OXSR1: variants seen among roughly 807,000 people sequenced by gnomAD.
OXSR1 encodes the protein serine/threonine-protein kinase OSR1.
A neutral mutation model predicts 79.8 loss-of-function variants in OXSR1; 24 were observed. That is an observed-to-expected ratio of 0.30 (90% CI 0.22 to 0.42). OXSR1 has a LOEUF of 0.42. Ranked by LOEUF, OXSR1 falls within the 10% of genes least tolerant of loss-of-function variation. The probability of loss-of-function intolerance (pLI) is 1.00; values close to 1 mark genes in which losing one functional copy is unlikely to be tolerated. For missense variants in OXSR1, 430 were observed against 618.4 expected (o/e 0.70, Z 3.23); for synonymous variants, 226 against 209.2 (o/e 1.08, Z -0.69).
At chr3:38,249,038 C>T (rs1703201715) in intron 14 of OXSR1, among the ~76,000 whole-genome samples, 1 of 152,032 alleles carries the variant, frequency 6.6e-6, no homozygotes, top group Non-Finnish European at 1.5e-5. Context: ...TTGTATGTAC[C>T]TGTGTAGAAA....
intron 4 of OXSR1, among the ~76,000 whole-genome samples, chr3:38,202,433 G>A (rs1702181926): frequency 6.6e-6 from 1 of 152,188 alleles, no homozygotes; most frequent in Non-Finnish European, 1.5e-5. Context: ...AGACTGGAGT[G>A]TAGTGGCATG....
At chr3:38,224,170 T>A (rs1702643636) in intron 7 of OXSR1, among the ~76,000 whole-genome samples, 1 of 152,230 alleles carries the variant, frequency 6.6e-6, no homozygotes, top group Non-Finnish European at 1.5e-5. Context: ...TAACTCTTGA[T>A]TCCCATTCTT....
chr3:38,213,837 A>G (rs557006311), intron 4 of OXSR1, among the ~76,000 whole-genome samples: 2 of 152,340 alleles, frequency 1.3e-5, no homozygotes, highest in South Asian at 4.1e-4. Flanking sequence ...TATAAGCATA[A>G]TGTATGTCTC....
At chr3:38,196,050 G>C (rs1384394636) in intron 3 of OXSR1, among the ~76,000 whole-genome samples, 1 of 152,138 alleles carries the variant, frequency 6.6e-6, no homozygotes, top group Non-Finnish European at 1.5e-5. Context: ...TTGAATGACT[G>C]TCTTATAGGG....
intron 10 of OXSR1, among the ~76,000 whole-genome samples, chr3:38,233,936 C>T (rs1702865313): frequency 6.6e-6 from 1 of 151,888 alleles, no homozygotes; most frequent in East Asian, 1.9e-4. Flanking sequence ...AAAGAGTTTA[C>T]ATTCACAAAA....
intron 2 of OXSR1, among the ~76,000 whole-genome samples, chr3:38,189,630 G>T (rs1456757843): frequency 1.3e-5 from 2 of 152,164 alleles, no homozygotes; most frequent in African/African-American, 4.8e-5. Flanking sequence ...GCATAGGGCA[G>T]GTACATTAAT....
At chr3:38,241,107 G>T (rs1479363262) in intron 11 of OXSR1, among the ~76,000 whole-genome samples, 1 of 152,046 alleles carries the variant, frequency 6.6e-6, no homozygotes, top group Non-Finnish European at 1.5e-5. Flanking sequence ...AAAAAATAAG[G>T]TTTTTTTATA....
intron 3 of OXSR1, among the ~76,000 whole-genome samples, chr3:38,195,702 T>C (rs918016251): frequency 6.6e-6 from 1 of 152,334 alleles, no homozygotes; most frequent in Non-Finnish European, 1.5e-5. Flanking sequence ...TTTTCAGACT[T>C]ATCAAGTGTC....
intron 1 of OXSR1, among the ~76,000 whole-genome samples, chr3:38,169,082 T>C (rs1024022322): frequency 6.6e-6 from 1 of 152,368 alleles, no homozygotes; most frequent in South Asian, 2.1e-4. Context: ...CTAGTAATTA[T>C]AAGAGTTCTT....
chr3:38,231,261 T>C (rs1429678122), intron 10 of OXSR1, among the ~76,000 whole-genome samples: 1 of 152,168 alleles, frequency 6.6e-6, no homozygotes, highest in Non-Finnish European at 1.5e-5. Context: ...AACAGTTAAC[T>C]TGTCTCTATT....
intron 1 of OXSR1, among the ~76,000 whole-genome samples, chr3:38,169,190 T>C (rs1701526602): frequency 6.6e-6 from 1 of 152,230 alleles, no homozygotes; most frequent in Non-Finnish European, 1.5e-5. Context: ...TAATGACTAA[T>C]GATGATGAAC....
At chr3:38,186,236 T>C (rs991232683) in intron 2 of OXSR1, among the ~76,000 whole-genome samples, 11 of 152,268 alleles carry the variant, frequency 7.2e-5, no homozygotes, top group African/African-American at 2.6e-4. Flanking sequence ...CAAGTGTCTT[T>C]GAAGATTTTT....
chr3:38,166,839 A>C (rs1404188194), intron 1 of OXSR1, among the ~76,000 whole-genome samples: 1 of 151,774 alleles, frequency 6.6e-6, no homozygotes, highest in East Asian at 1.9e-4. Context: ...GGCAAGTGCC[A>C]TGAAGGAGAT....
rs1703294652 is a variant in OXSR1, at chr3:38,253,141, C to T, written c.*250C>T. ...ACTTCATATGTCCCCTGTCTTCCTC[C>T]ATCTGAGAAGTGGCCCATGTGCTTC... is the stretch of plus-strand genomic sequence containing the variant. On this transcript the variant is annotated 3_prime_UTR_variant, in exon 18 of 18. Coordinates refer to ENST00000311806, the MANE Select transcript of OXSR1 (RefSeq NM_005109.3). 1 of 483,660 alleles carries T rather than the reference C, an allele frequency of 2.1e-6. No homozygotes were observed. Among genetic ancestry groups the T allele is most frequent in the African/African-American group, 2.0e-5 (1 of 50,452 alleles). 30.0% of individuals were successfully genotyped at this position (483,660 alleles called of 1,614,324 possible).
At chr3:38,178,066 G>A (rs566254758) in intron 1 of OXSR1, among the ~76,000 whole-genome samples, 4 of 152,006 alleles carry the variant, frequency 2.6e-5, no homozygotes, top group South Asian at 4.2e-4. Context: ...CTTGTGTCTC[G>A]GCCTCCTGAG....
At chr3:38,174,181 T>A (rs561351738) in intron 1 of OXSR1, among the ~76,000 whole-genome samples, 10 of 152,306 alleles carry the variant, frequency 6.6e-5, no homozygotes, top group African/African-American at 2.2e-4. Context: ...TTGGTCCTGA[T>A]TGTCAGGTTG....
intron 11 of OXSR1, among the ~76,000 whole-genome samples, chr3:38,237,906 T>C (rs753430761): frequency 1.3e-5 from 2 of 152,186 alleles, no homozygotes; most frequent in South Asian, 2.1e-4. Context: ...GATACTCTCA[T>C]GTATTGTTAT....
chr3:38,246,300 A>T (rs970927217), intron 13 of OXSR1, 79 bp downstream of exon 13: 24 of 1,363,134 alleles, frequency 1.8e-5, no homozygotes, highest in Non-Finnish European at 2.4e-5. Context: ...ATATAACCTA[A>T]TGTAATCAGG....
intron 3 of OXSR1, among the ~76,000 whole-genome samples, chr3:38,196,419 A>G (rs1423923633): frequency 6.6e-6 from 1 of 152,182 alleles, no homozygotes; most frequent in East Asian, 1.9e-4. Flanking sequence ...CAGGACCAGT[A>G]TCTCTCAGTT....
Sources: gnomAD v4.1 joint callset for allele counts (sites outside exome capture counted in the v4.1 genomes callset) on GRCh38, gnomAD v4.1.1 for gene constraint, MANE v1.5 for transcripts, NCBI Gene and HGNC (gene_info 2026-07-23, HGNC 2026-07-21) for gene names.